The following NAV2 variants were observed in gnomAD, a reference collection of about 807,000 sequenced individuals.
NAV2 encodes the protein neuron navigator 2, also known as helicase, APC down-regulated 1.
NAV2 carries 54 observed loss-of-function variants against 223.2 expected under a neutral mutation model. The ratio of observed to expected loss-of-function variants is 0.24; its 90% CI spans 0.19 to 0.30. NAV2 has a LOEUF of 0.30. NAV2 is among the 10% of genes least tolerant of loss of function. The pLI is 1.00. For missense variants in NAV2, 2,806 were observed against 3,147.5 expected (o/e 0.89, Z 2.60); for synonymous variants, 1,279 against 1,239.3 (o/e 1.03, Z -0.67).
chr11:19,516,833 A>G (rs530560100), intron 1 of NAV2, among the ~76,000 whole-genome samples: 64 of 152,324 alleles, frequency 4.2e-4, no homozygotes, highest in African/African-American at 1.5e-3. Context: ...CCAAGTATTC[A>G]TGTCAGCAGT....
chr11:19,924,477 G>A (rs755131221), intron 6 of NAV2, among the ~76,000 whole-genome samples: 2 of 152,168 alleles, frequency 1.3e-5, no homozygotes, highest in Admixed American at 1.3e-4. Context: ...GGCCTCTTCT[G>A]CTTCCTCTGG....
At chr11:20,016,877 A>G (rs1458789495) in intron 11 of NAV2, among the ~76,000 whole-genome samples, 1 of 150,148 alleles carries the variant, frequency 6.7e-6, no homozygotes, top group Non-Finnish European at 1.5e-5. Flanking sequence ...GCGGTGGCGC[A>G]CACCTGTAGT....
chr11:19,778,225 A>T (rs1320028288), intron 1 of NAV2: 1 of 410,530 alleles, frequency 2.4e-6, no homozygotes, highest in Non-Finnish European at 4.8e-6. Flanking sequence ...TGCTTTTGTG[A>T]ATTGTTTTTT....
chr11:19,760,443 ATGCAGGCATGT>A (rs2054636176), intron 1 of NAV2, among the ~76,000 whole-genome samples: 1 of 152,206 alleles, frequency 6.6e-6, no homozygotes, highest in South Asian at 2.1e-4. Flanking sequence ...TCAGGGGAGA[ATGCAGGCATGT>A]TGCAGGAAAA....
chr11:19,660,032 C>A (rs765916148), intron 1 of NAV2, among the ~76,000 whole-genome samples: 2 of 151,996 alleles, frequency 1.3e-5, no homozygotes, highest in East Asian at 1.9e-4. Context: ...AGAGATTGAG[C>A]CTTTCCAGGC....
chr11:19,742,692 G>A (rs757950604), intron 1 of NAV2, among the ~76,000 whole-genome samples: 2 of 152,184 alleles, frequency 1.3e-5, no homozygotes, highest in Non-Finnish European at 2.9e-5. Context: ...CTAGATAGTG[G>A]GAGCAGGAAT....
At chr11:20,090,093 T>C (rs2060734412) in intron 26 of NAV2, among the ~76,000 whole-genome samples, 1 of 152,206 alleles carries the variant, frequency 6.6e-6, no homozygotes, top group Non-Finnish European at 1.5e-5. Context: ...TAGACACTTT[T>C]AGGGGAGTGA....
chr11:19,445,436 A>C (rs1313693345), intron 1 of NAV2, among the ~76,000 whole-genome samples: 2 of 152,172 alleles, frequency 1.3e-5, no homozygotes, highest in Non-Finnish European at 2.9e-5. Context: ...ATTCATGTTA[A>C]CTTGTTTAAT....
intron 1 of NAV2, among the ~76,000 whole-genome samples, chr11:19,641,290 A>T (rs1333595050): frequency 6.6e-6 from 1 of 152,136 alleles, no homozygotes; most frequent in African/African-American, 2.4e-5. Flanking sequence ...TACCCTCTAT[A>T]TTCAATCTAG....
At chr11:19,906,701 A>G (rs985135641) in intron 6 of NAV2, among the ~76,000 whole-genome samples, 1 of 152,200 alleles carries the variant, frequency 6.6e-6, no homozygotes, top group African/African-American at 2.4e-5. Context: ...GGTGTCTCTA[A>G]GAAGCAGATG....
At chr11:19,382,396 A>G (rs1564892830) in intron 1 of NAV2, among the ~76,000 whole-genome samples, 1 of 152,196 alleles carries the variant, frequency 6.6e-6, no homozygotes, top group Non-Finnish European at 1.5e-5. Context: ...GGGTGAGACA[A>G]TTGTGCCGAC....
At chr11:19,756,202 G>A (rs1230829167) in intron 1 of NAV2, among the ~76,000 whole-genome samples, 1 of 152,136 alleles carries the variant, frequency 6.6e-6, no homozygotes, top group Non-Finnish European at 1.5e-5. Context: ...GGCTCAGAAC[G>A]CACATTCAGG....
chr11:19,488,555 A>G (rs2042523207), intron 1 of NAV2, among the ~76,000 whole-genome samples: 1 of 152,156 alleles, frequency 6.6e-6, no homozygotes, highest in Admixed American at 6.5e-5. Flanking sequence ...TCCTTCCCAG[A>G]TGTGTACCCT....
intron 3 of NAV2, among the ~76,000 whole-genome samples, chr11:19,859,562 C>T (rs932510806): frequency 2.6e-5 from 4 of 151,902 alleles, no homozygotes; most frequent in Non-Finnish European, 5.9e-5. Flanking sequence ...ACACGGCAAC[C>T]ATCCGATTTC....
chr11:19,586,208 G>A (rs912120271), intron 1 of NAV2, among the ~76,000 whole-genome samples: 14 of 152,246 alleles, frequency 9.2e-5, no homozygotes, highest in African/African-American at 3.1e-4. Flanking sequence ...CATAGTTCTT[G>A]TGCCATGGTT....
chr11:19,967,166 A>C (rs957519723), intron 10 of NAV2, among the ~76,000 whole-genome samples: 4 of 152,108 alleles, frequency 2.6e-5, no homozygotes, highest in African/African-American at 7.2e-5. Context: ...GGGTGCGGCC[A>C]GTTTCAGGAA....
intron 11 of NAV2, 62 bp downstream of exon 11, chr11:19,984,309 A>G: frequency 6.2e-7 from 1 of 1,609,904 alleles, no homozygotes; most frequent in African/African-American, 1.3e-5. Context: ...GCCCTGAGAA[A>G]TGAGGGTTAT....
At chr11:19,373,479 GAA>G (rs1848539252) in intron 1 of NAV2, among the ~76,000 whole-genome samples, 1 of 152,194 alleles carries the variant, frequency 6.6e-6, no homozygotes, top group African/African-American at 2.4e-5. Flanking sequence ...TCTCTGGCTG[GAA>G]AAGAGTTCCC....
At chr11:20,091,414 T>G (rs1266415899) in intron 27 of NAV2, among the ~76,000 whole-genome samples, 2 of 152,164 alleles carry the variant, frequency 1.3e-5, no homozygotes, top group African/African-American at 2.4e-5. Flanking sequence ...AAATTCCTCT[T>G]TCATATTGTT....
Sources: allele counts gnomAD v4.1 joint callset (sites outside exome capture counted in the v4.1 genomes callset), GRCh38; gene constraint gnomAD v4.1.1; transcripts MANE v1.5; gene names NCBI Gene and HGNC (gene_info 2026-07-23, HGNC 2026-07-21).